ANO3: variants seen among roughly 807,000 people sequenced by gnomAD.
ANO3 encodes anoctamin-3.
A neutral mutation model predicts 144.8 loss-of-function variants in ANO3; 99 were observed. The ratio of observed to expected loss-of-function variants is 0.68; its 90% CI spans 0.58 to 0.81. ANO3 has a LOEUF of 0.81. Ranked by LOEUF, ANO3 falls within the 30% of genes least tolerant of loss-of-function variation. The probability of loss-of-function intolerance (pLI) is 0.00; values close to 1 mark genes in which losing one functional copy is unlikely to be tolerated. For synonymous variants in ANO3, 414 were observed against 392.6 expected (o/e 1.05, Z -0.64); for missense variants, 905 against 1,202.2 (o/e 0.75, Z 3.66).
intron 21 of ANO3, among the ~76,000 whole-genome samples, chr11:26,640,591 T>C (rs927448265): frequency 2.6e-5 from 4 of 152,220 alleles, no homozygotes; most frequent in African/African-American, 9.6e-5. Context: ...GTCATTGCAG[T>C]ATAAAAAAGT....
intron 1 of ANO3, among the ~76,000 whole-genome samples, chr11:26,333,370 A>C (rs908534343): frequency 1.3e-5 from 2 of 150,070 alleles, no homozygotes; most frequent in East Asian, 2.0e-4. Context: ...CAAGCTCTGC[A>C]TCCCAGGTTC....
At chr11:26,556,345 TA>T (rs1008346092) in intron 13 of ANO3, among the ~76,000 whole-genome samples, 124 of 151,078 alleles carry the variant, frequency 8.2e-4, no homozygotes, top group Middle Eastern at 3.4e-3. Context: ...ATTTTCTCTT[TA>T]AAAAAAAACT....
intron 1 of ANO3, among the ~76,000 whole-genome samples, chr11:26,382,012 C>T (rs1441029057): frequency 2.0e-5 from 3 of 151,918 alleles, no homozygotes; most frequent in Non-Finnish European, 2.9e-5. Flanking sequence ...TTTATTAATA[C>T]ATTCACTCTC....
At chr11:26,341,658 G>A (rs1855362560) in intron 1 of ANO3, among the ~76,000 whole-genome samples, 1 of 152,174 alleles carries the variant, frequency 6.6e-6, no homozygotes, top group Admixed American at 6.5e-5. Context: ...GGATCACAAG[G>A]TAAAGTCCCA....
At chr11:26,332,444 TAAAAA>T in intron 1 of ANO3, 123 bp downstream of exon 1, 1 of 614,822 alleles carries the variant, frequency 1.6e-6, no homozygotes. Flanking sequence ...TCTGTGAAGT[TAAAAA>T]AAAAAAAAAA....
intron 13 of ANO3, among the ~76,000 whole-genome samples, chr11:26,555,449 G>A (rs1034221242): frequency 2.6e-5 from 4 of 152,226 alleles, no homozygotes; most frequent in East Asian, 1.9e-4. Context: ...TAAGGAAGCC[G>A]TCCAAGGAAA....
At chr11:26,433,127 T>G (rs1565021758) in intron 1 of ANO3, among the ~76,000 whole-genome samples, 1 of 152,210 alleles carries the variant, frequency 6.6e-6, no homozygotes, top group East Asian at 1.9e-4. Context: ...TCTGGTTAGC[T>G]GTATTCCTAG....
At chr11:26,563,214 C>T (rs1475211916) in intron 14 of ANO3, 1 of 1,611,954 alleles carries the variant, frequency 6.2e-7, no homozygotes, top group Non-Finnish European at 8.5e-7. Context: ...CAATGAGACA[C>T]CCAGAATAGC....
chr11:26,238,333 T>C (rs1852579697), intron 1 of ANO3, among the ~76,000 whole-genome samples: 1 of 152,114 alleles, frequency 6.6e-6, no homozygotes, highest in Non-Finnish European at 1.5e-5. Flanking sequence ...ACAACTAGTA[T>C]TTTACTTAGT....
intron 14 of ANO3, among the ~76,000 whole-genome samples, chr11:26,567,675 A>G (rs1850646383): frequency 6.6e-6 from 1 of 152,016 alleles, no homozygotes; most frequent in Non-Finnish European, 1.5e-5. Flanking sequence ...TCCATGCCCT[A>G]TGGTTATCAC....
At chr11:26,492,075 G>A (rs2134107901) in intron 4 of ANO3, among the ~76,000 whole-genome samples, 1 of 152,218 alleles carries the variant, frequency 6.6e-6, no homozygotes, top group African/African-American at 2.4e-5. Flanking sequence ...ATGTGGATAA[G>A]CAAAAATATA....
chr11:26,492,399 T>C (rs956443002), intron 4 of ANO3, among the ~76,000 whole-genome samples: 6 of 152,230 alleles, frequency 3.9e-5, no homozygotes, highest in African/African-American at 1.4e-4. Flanking sequence ...GTAGAACTTA[T>C]CTGTTCAATA....
At chr11:26,243,893 G>T (rs144853850) in intron 1 of ANO3, among the ~76,000 whole-genome samples, 1 of 152,046 alleles carries the variant, frequency 6.6e-6, no homozygotes, top group Non-Finnish European at 1.5e-5. Flanking sequence ...GCCGAGGTGC[G>T]CAGATCAAGA....
chr11:26,417,444 T>C (rs996255837), intron 1 of ANO3, among the ~76,000 whole-genome samples: 3 of 152,020 alleles, frequency 2.0e-5, no homozygotes, highest in African/African-American at 4.8e-5. Context: ...AGCTCCAAAA[T>C]TGGGGCTTGG....
intron 11 of ANO3, among the ~76,000 whole-genome samples, chr11:26,543,873 A>G (rs1408247863): frequency 6.6e-6 from 1 of 151,970 alleles, no homozygotes; most frequent in Non-Finnish European, 1.5e-5. Flanking sequence ...GGACCTTTGG[A>G]TTGGTTCCAA....
intron 2 of ANO3, 107 bp from the exon 3 acceptor site, chr11:26,443,655 TAAG>T: frequency 1.6e-5 from 9 of 549,508 alleles, no homozygotes; most frequent in Non-Finnish European, 2.5e-5. Context: ...TTCATTAAGT[TAAG>T]AAATTTCATC....
intron 3 of ANO3, among the ~76,000 whole-genome samples, chr11:26,453,682 G>T (rs1031598661): frequency 8.6e-5 from 13 of 152,022 alleles, no homozygotes; most frequent in African/African-American, 3.1e-4. Flanking sequence ...GAGAAAGAAA[G>T]TTAACAAGGA....
intron 1 of ANO3, among the ~76,000 whole-genome samples, chr11:26,396,105 A>C (rs919315009): frequency 6.6e-6 from 1 of 152,186 alleles, no homozygotes; most frequent in African/African-American, 2.4e-5. Flanking sequence ...AGAAAAAAAC[A>C]ACCCCCTCAA....
At chr11:26,263,402 C>T (rs79495952) in intron 1 of ANO3, among the ~76,000 whole-genome samples, 5,489 of 152,238 alleles carry the variant, frequency 0.036, 316 homozygotes, top group African/African-American at 0.12. Flanking sequence ...ACAAGACTGT[C>T]ATACTTTCAG....
Sources: gnomAD v4.1 joint callset for allele counts (sites outside exome capture counted in the v4.1 genomes callset) on GRCh38, gnomAD v4.1.1 for gene constraint, MANE v1.5 for transcripts, NCBI Gene and HGNC (gene_info 2026-07-23, HGNC 2026-07-21) for gene names.